Variants in PKD2 observed in about 807,000 individuals in gnomAD.
PKD2 encodes the protein polycystin-2.
In PKD2, 48 loss-of-function variants were observed where a neutral mutation model predicts 105.9. The ratio of observed to expected loss-of-function variants is 0.45; its 90% CI spans 0.36 to 0.58. The LOEUF (loss-of-function observed/expected upper bound fraction) is 0.58, where lower values mean the gene tolerates loss of function less well. Ranked by LOEUF, PKD2 falls within the 20% of genes least tolerant of loss-of-function variation. PKD2 has a pLI of 0.00. For synonymous variants in PKD2, 464 were observed against 481.1 expected (o/e 0.96, Z 0.46); for missense variants, 1,078 against 1,255.3 (o/e 0.86, Z 2.13).
intron 2 of PKD2, among the ~76,000 whole-genome samples, chr4:88,026,477 A>T (rs1049616345): frequency 6.6e-6 from 1 of 152,236 alleles, no homozygotes; most frequent in Non-Finnish European, 1.5e-5. Context: ...ATGTGCTCAC[A>T]AAGAGATGGT....
chr4:88,039,260 A>G lies in PKD2; in HGVS notation c.1094+759A>G, dbSNP rs574685464. Among the ~76,000 whole-genome samples, 31 of 152,288 alleles carry G rather than the reference A, an allele frequency of 2.0e-4. No homozygotes were observed. The South Asian group carries it at 2.9e-3, about 14-fold the overall frequency. ...TTTTCTTGGAAACTGAGTTGCCCAGAATCCACATTTGTTACTATACAATGG... is the reference window on the plus strand; with the variant it reads ...TTTTCTTGGAAACTGAGTTGCCCAGGATCCACATTTGTTACTATACAATGG... On this transcript the variant is annotated intron_variant, in intron 4 of 14. Transcript: ENST00000237596.
At chr4:88,031,711 T>TC (rs1727160059) in intron 2 of PKD2, among the ~76,000 whole-genome samples, 1 of 152,224 alleles carries the variant, frequency 6.6e-6, no homozygotes, top group Non-Finnish European at 1.5e-5. Flanking sequence ...TTGTCTACTT[T>TC]CTCTGTCAAA....
intron 1 of PKD2, among the ~76,000 whole-genome samples, chr4:88,017,808 T>C (rs1193191335): frequency 6.6e-6 from 1 of 152,224 alleles, no homozygotes; most frequent in African/African-American, 2.4e-5. Context: ...CCTTAGTGCC[T>C]AGTTGTTTAT....
chr4:88,047,915 C>T (rs977797364), intron 6 of PKD2, among the ~76,000 whole-genome samples: 16 of 152,158 alleles, frequency 1.1e-4, no homozygotes, highest in Non-Finnish European at 2.1e-4. Context: ...CTGCTCTTGA[C>T]TCTATTATAA....
Position 88,067,958 on chromosome 4 carries a change from C to G in PKD2, c.2419C>G (p.Arg807Gly), listed in dbSNP as rs1276594505. ...PRPMSSRSFPRSLDDSEEDDD... is the reference protein window; with the variant it reads ...PRPMSSRSFPGSLDDSEEDDD... Reference sequence around the variant, plus strand: ...TCCCATGAGCAGCCGAAGTTTCCCTCGAAGCCTGGATGACTCTGAGGAGGA... The same window carrying G: ...TCCCATGAGCAGCCGAAGTTTCCCTGGAAGCCTGGATGACTCTGAGGAGGA... The change falls in exon 13 of 15, where the codon CGA (arginine) becomes GGA (glycine). Residue 807 changes from arginine (R) to glycine (G), a missense_variant. By Grantham distance (125) the Arg-to-Gly change is moderately radical. Coordinates refer to ENST00000237596, the MANE Select transcript of PKD2 (RefSeq NM_000297.4). 6.2e-7 allele frequency: 1 copy of G among 1,613,954 alleles called. No individual in the cohort carries two copies. Among genetic ancestry groups the G allele is most frequent in the African/African-American group, 1.3e-5 (1 of 75,026 alleles).
chr4:88,016,910 G>A (rs114243018), intron 1 of PKD2, among the ~76,000 whole-genome samples: 68 of 152,016 alleles, frequency 4.5e-4, no homozygotes, highest in African/African-American at 1.6e-3. Context: ...AGGCTGCAGT[G>A]GGCCATGATT....
At chr4:88,011,769 G>T (rs562732189) in intron 1 of PKD2, among the ~76,000 whole-genome samples, 2 of 151,986 alleles carry the variant, frequency 1.3e-5, no homozygotes, top group African/African-American at 4.8e-5. Flanking sequence ...CCAACTCACC[G>T]CTCTTAGTTG....
At chr4:88,066,502 C>T (rs1327636521) in intron 12 of PKD2, among the ~76,000 whole-genome samples, 1 of 151,948 alleles carries the variant, frequency 6.6e-6, no homozygotes, top group Non-Finnish European at 1.5e-5. Context: ...GCTAGGACTA[C>T]AGGCACATGC....
chr4:88,028,987 AT>A (rs1374434321), intron 2 of PKD2, among the ~76,000 whole-genome samples: 1 of 152,074 alleles, frequency 6.6e-6, no homozygotes, highest in Non-Finnish European at 1.5e-5. Flanking sequence ...GTTACTTACT[AT>A]TTTCTTTGAA....
intron 3 of PKD2, among the ~76,000 whole-genome samples, chr4:88,037,100 ACACACCTG>A (rs1218027453): frequency 1.3e-5 from 2 of 152,128 alleles, no homozygotes; most frequent in African/African-American, 4.8e-5. Context: ...GTGTGGTGGT[ACACACCTG>A]CAGTCCCAGC....
chr4:88,040,501 T>C (rs893573498), intron 4 of PKD2, among the ~76,000 whole-genome samples: 21 of 152,242 alleles, frequency 1.4e-4, no homozygotes, highest in Non-Finnish European at 1.8e-4. Flanking sequence ...TTCTACATTC[T>C]CAAGTCACTC....
At chr4:88,042,258 A>G (rs1727592685) in intron 4 of PKD2, among the ~76,000 whole-genome samples, 1 of 152,208 alleles carries the variant, frequency 6.6e-6, no homozygotes, top group African/African-American at 2.4e-5. Context: ...GGCGAGGAGC[A>G]AGTCACGTCT....
chr4:88,046,781 T>C lies in PKD2; in HGVS notation c.1459T>C (p.Tyr487His), dbSNP rs201328200. 1.2e-4 allele frequency: 189 copies of C among 1,610,054 alleles called. No homozygotes were observed. Among genetic ancestry groups the C allele is most frequent in the Non-Finnish European group, 1.6e-4 (183 of 1,176,388 alleles). ...EIIFCFFIFY[Y>H]VVEEILEIRI... ...TATCTTTTGTTTCTTTATCTTTTAC[T>C]ATGTGGTGGAAGAGATATTGGAAAT... The change falls in exon 6 of 15, where the codon TAT (tyrosine) becomes CAT (histidine). Residue 487 changes from tyrosine (Y) to histidine (H), a missense_variant. Tyr to His is a moderately conservative substitution (Grantham distance 83). Transcript: ENST00000237596.
In PKD2 at chr4:88,008,181, C is replaced by A; in HGVS notation, c.448C>A (p.Pro150Thr). ...TGGGGGCTACCACGGCGCGGGCCACCCGAGCGGGAGGCGGCGCCGGCGAGA... is the reference window on the plus strand; with the variant it reads ...TGGGGGCTACCACGGCGCGGGCCACACGAGCGGGAGGCGGCGCCGGCGAGA... ...GLGGYHGAGH[P>T]SGRRRRREDQ... The change falls in exon 1 of 15, where the codon CCG becomes ACG. Residue 150 changes from proline (P) to threonine (T), a missense_variant. Coordinates refer to ENST00000237596, the MANE Select transcript of PKD2 (RefSeq NM_000297.4). 7.3e-7 allele frequency: 1 copy of A among 1,378,992 alleles called. No homozygotes were observed. Among genetic ancestry groups the A allele is most frequent in the Non-Finnish European group, 9.3e-7 (1 of 1,074,392 alleles). 85.4% of individuals were successfully genotyped at this position (1,378,992 alleles called of 1,614,324 possible). A position where few individuals can be genotyped will look rare whatever the true frequency, so the allele number is the denominator to read the frequency against.
At chr4:88,022,066 A>G (rs550362101) in intron 2 of PKD2, among the ~76,000 whole-genome samples, 6 of 152,230 alleles carry the variant, frequency 3.9e-5, no homozygotes, top group Admixed American at 1.3e-4. Flanking sequence ...TACCATGGCC[A>G]GACTCATGAG....
At chr4:88,045,859 G>A (rs1727746461) in intron 5 of PKD2, among the ~76,000 whole-genome samples, 1 of 152,158 alleles carries the variant, frequency 6.6e-6, no homozygotes, top group African/African-American at 2.4e-5. Context: ...GTTACATAAT[G>A]AATGAATGAC....
intron 1 of PKD2, 104 bp from the exon 2 acceptor site, chr4:88,019,354 C>A (rs2110089081): frequency 1.5e-6 from 1 of 686,130 alleles, no homozygotes; most frequent in Non-Finnish European, 2.6e-6. Context: ...GAGAATCTCC[C>A]TTATAGGTGA....
chr4:88,056,486 A>G (rs1720335114), intron 8 of PKD2, among the ~76,000 whole-genome samples: 2 of 152,220 alleles, frequency 1.3e-5, no homozygotes, highest in African/African-American at 2.4e-5. Flanking sequence ...CAAAGTAGTA[A>G]AATACAGTTA....
At chr4:88,069,568 T>G (rs1578149990) in intron 13 of PKD2, among the ~76,000 whole-genome samples, 1 of 152,018 alleles carries the variant, frequency 6.6e-6, no homozygotes, top group African/African-American at 2.4e-5. Flanking sequence ...CTCTTCCCTC[T>G]TTTTGTGCTA....
Sources: gnomAD v4.1 joint callset for allele counts (sites outside exome capture counted in the v4.1 genomes callset) on GRCh38, gnomAD v4.1.1 for gene constraint, MANE v1.5 for transcripts, NCBI Gene and HGNC (gene_info 2026-07-23, HGNC 2026-07-21) for gene names.